Variants in ADAMTS17 observed in about 807,000 individuals in gnomAD.
ADAMTS17 encodes ADAM metallopeptidase with thrombospondin type 1 motif 17, also known as A disintegrin and metalloproteinase with thrombospondin motifs 17.
A neutral mutation model predicts 141.5 loss-of-function variants in ADAMTS17; 113 were observed. That is an observed-to-expected ratio of 0.80 (90% CI 0.69 to 0.93). ADAMTS17 has a LOEUF of 0.93. ADAMTS17 is among the 40% of genes least tolerant of loss of function. ADAMTS17 has a pLI of 0.00. For missense variants in ADAMTS17, 1,659 were observed against 1,517.9 expected, an observed-to-expected ratio of 1.09 and a Z score of -1.54; for synonymous variants, 768 against 630.6, an observed-to-expected ratio of 1.22 and a Z score of -3.27.
At chr15:100,284,041 G>T (rs1447003431) in intron 3 of ADAMTS17, among the ~76,000 whole-genome samples, 1 of 152,182 alleles carries the variant, frequency 6.6e-6, no homozygotes, top group East Asian at 1.9e-4. Flanking sequence ...GGTAGCAGAG[G>T]TTGCAGTGAG....
chr15:100,058,664 C>CA (rs1205200594), intron 15 of ADAMTS17, among the ~76,000 whole-genome samples: 12 of 152,054 alleles, frequency 7.9e-5, no homozygotes, highest in African/African-American at 2.4e-4. Context: ...CGACACTGGG[C>CA]GGCAGCAGCA....
At chr15:100,289,462 G>A (rs954166546) in intron 3 of ADAMTS17, among the ~76,000 whole-genome samples, 1 of 152,106 alleles carries the variant, frequency 6.6e-6, no homozygotes, top group African/African-American at 2.4e-5. Context: ...TGAAGGAGGA[G>A]GGACTCCTCC....
intron 8 of ADAMTS17, among the ~76,000 whole-genome samples, chr15:100,176,887 T>C (rs887241296): frequency 2.0e-5 from 3 of 152,258 alleles, no homozygotes; most frequent in African/African-American, 7.2e-5. Flanking sequence ...TGAAACTAGC[T>C]TTTTAAAATT....
At chr15:100,300,103 C>G (rs2141808777) in intron 3 of ADAMTS17, among the ~76,000 whole-genome samples, 1 of 152,308 alleles carries the variant, frequency 6.6e-6, no homozygotes, top group Middle Eastern at 3.4e-3. Context: ...CCCTGTAGGG[C>G]TCTGGAGTCA....
intron 20 of ADAMTS17, among the ~76,000 whole-genome samples, chr15:99,990,185 G>T (rs2060663244): frequency 1.3e-5 from 2 of 152,128 alleles, no homozygotes; most frequent in Non-Finnish European, 2.9e-5. Flanking sequence ...ATGGGCATGT[G>T]CCACCACGCC....
intron 18 of ADAMTS17, among the ~76,000 whole-genome samples, chr15:100,044,040 T>C (rs2031484208): frequency 6.6e-6 from 1 of 152,254 alleles, no homozygotes. Context: ...AGTTTTGCAG[T>C]GCAGCATGGT....
chr15:100,302,087 C>T (rs2141820095), intron 3 of ADAMTS17, among the ~76,000 whole-genome samples: 1 of 152,280 alleles, frequency 6.6e-6, no homozygotes, highest in Non-Finnish European at 1.5e-5. Flanking sequence ...TGTCCTTCCC[C>T]ACCCTCAGGC....
At chr15:100,285,610 C>T (rs1001499906) in intron 3 of ADAMTS17, among the ~76,000 whole-genome samples, 1 of 152,186 alleles carries the variant, frequency 6.6e-6, no homozygotes, top group Non-Finnish European at 1.5e-5. Context: ...CCAAGGAAGA[C>T]CTGGGGAAGA....
intron 6 of ADAMTS17, among the ~76,000 whole-genome samples, chr15:100,255,878 C>G (rs919726539): frequency 6.6e-6 from 1 of 152,218 alleles, no homozygotes; most frequent in African/African-American, 2.4e-5. Context: ...TGAGGGGAAA[C>G]AGTCAGTCTC....
chr15:100,023,945 G>A (rs1439953943), intron 18 of ADAMTS17, among the ~76,000 whole-genome samples: 5 of 152,174 alleles, frequency 3.3e-5, no homozygotes, highest in Non-Finnish European at 7.3e-5. Context: ...AATAGCGAGA[G>A]AACCAAAGGA....
intron 17 of ADAMTS17, among the ~76,000 whole-genome samples, chr15:100,050,177 C>T (rs1325145543): frequency 6.6e-6 from 1 of 152,180 alleles, no homozygotes; most frequent in African/African-American, 2.4e-5. Context: ...GCTTTGGTGG[C>T]AGGTCTGACC....
chr15:100,009,178 C>T (rs1410307912), intron 18 of ADAMTS17, among the ~76,000 whole-genome samples: 1 of 152,098 alleles, frequency 6.6e-6, no homozygotes, highest in Non-Finnish European at 1.5e-5. Context: ...ATTCTCATGC[C>T]CACTGTAACT....
At chr15:100,189,216 T>C (rs953727561) in intron 8 of ADAMTS17, among the ~76,000 whole-genome samples, 1 of 152,252 alleles carries the variant, frequency 6.6e-6, no homozygotes, top group Non-Finnish European at 1.5e-5. Context: ...GTGGGGCTTC[T>C]TCCCTCTGCC....
chr15:100,091,010 C>CAACAAAAAAAAAA lies in ADAMTS17; in HGVS notation c.2137+5345_2137+5346insTTTTTTTTTTGTT, dbSNP rs1555446585. Among the ~76,000 whole-genome samples, 162 of 54,544 alleles carry CAACAAAAAAAAAA rather than the reference C, an allele frequency of 3.0e-3. 3 individuals are homozygous for CAACAAAAAAAAAA. In the East Asian group the frequency reaches 0.038, roughly 13 times the overall value. 35.8% of individuals were successfully genotyped at this position (54,544 alleles called of 152,430 possible). A position where few individuals can be genotyped will look rare whatever the true frequency, so the allele number is the denominator to read the frequency against. ...GAGGCAGAGTGAGACTCCGTCTCAA[C>CAACAAAAAAAAAA]AAAAAAAAAAAAAAAAAAGGGTAAC... On this transcript the variant is annotated intron_variant, in intron 15 of 21. Transcript: ENST00000268070.
intron 14 of ADAMTS17, among the ~76,000 whole-genome samples, chr15:100,099,453 G>A (rs1272083769): frequency 6.6e-6 from 1 of 152,190 alleles, no homozygotes; most frequent in African/African-American, 2.4e-5. Context: ...AATATTAGGG[G>A]AGCTTTGATG....
chr15:100,314,047 G>A (rs980884540), intron 3 of ADAMTS17, among the ~76,000 whole-genome samples: 8 of 144,036 alleles, frequency 5.6e-5, no homozygotes, highest in Non-Finnish European at 7.6e-5. Context: ...ATGAAGAAAC[G>A]TCAGACAAAA....
Position 100,324,071 on chromosome 15 carries a change from G to A in ADAMTS17, c.616+6818C>T, listed in dbSNP as rs189479067. On this transcript the variant is annotated intron_variant, in intron 3 of 21. Transcript: ENST00000268070. ...AAGCATCCCAGCACTTTGGGAGGCC[G>A]AGGCAGGCAGATCACCTGAGGTCAG... Among the ~76,000 whole-genome samples the A allele has an allele frequency of 2.5e-3, 386 of 151,506 alleles. 1 individual carries two copies. Among genetic ancestry groups the A allele is most frequent in the African/African-American group, 8.5e-3 (353 of 41,330 alleles).
intron 4 of ADAMTS17, among the ~76,000 whole-genome samples, chr15:100,272,815 T>G (rs11247176): frequency 2.0e-5 from 3 of 150,372 alleles, no homozygotes; most frequent in East Asian, 2.0e-4. Context: ...ACGGAGTGTA[T>G]TATTAGCTGT....
chr15:100,059,953 T>C (rs2032986180), intron 15 of ADAMTS17, among the ~76,000 whole-genome samples: 1 of 152,224 alleles, frequency 6.6e-6, no homozygotes, highest in Admixed American at 6.5e-5. Context: ...TCAGTGAGTA[T>C]CTCCAAGCCC....
Sources: allele counts gnomAD v4.1 joint callset (sites outside exome capture counted in the v4.1 genomes callset), GRCh38; gene constraint gnomAD v4.1.1; transcripts MANE v1.5; gene names NCBI Gene and HGNC (gene_info 2026-07-23, HGNC 2026-07-21).